Variants in TMTC2 observed in about 807,000 individuals in gnomAD.
TMTC2 encodes the protein transmembrane O-mannosyltransferase targeting cadherins 2.
TMTC2 carries 43 observed loss-of-function variants against 82.4 expected under a neutral mutation model. That is an observed-to-expected ratio of 0.52 (90% confidence interval 0.41 to 0.67). The LOEUF is 0.67. Ranked by LOEUF, TMTC2 falls within the 30% of genes least tolerant of loss-of-function variation. The pLI is 0.00. For synonymous variants in TMTC2, 408 were observed against 381.9 expected (o/e 1.07, Z -0.80); for missense variants, 919 against 1,012.4 (o/e 0.91, Z 1.25).
chr12:82,965,857 T>A, intron 6 of TMTC2, 113 bp downstream of exon 6: 1 of 1,100,322 alleles, frequency 9.1e-7, no homozygotes, highest in South Asian at 1.3e-5. Flanking sequence ...CTAATATGTA[T>A]ACACGTTAAA....
intron 1 of TMTC2, among the ~76,000 whole-genome samples, chr12:82,753,899 T>A (rs1035423742): frequency 1.3e-5 from 2 of 152,214 alleles, no homozygotes; most frequent in African/African-American, 4.8e-5. Context: ...TGGAAAACAT[T>A]GATGGAGTTG....
chr12:82,916,921 T>G (rs764486154), intron 3 of TMTC2, among the ~76,000 whole-genome samples: 3 of 152,244 alleles, frequency 2.0e-5, no homozygotes, highest in South Asian at 2.1e-4. Flanking sequence ...ATCATGATCT[T>G]TAAATCATAG....
intron 1 of TMTC2, among the ~76,000 whole-genome samples, chr12:82,775,451 AG>A (rs1457693023): frequency 6.6e-6 from 1 of 151,234 alleles, no homozygotes; most frequent in African/African-American, 2.4e-5. Flanking sequence ...CCCTGTCTCC[AG>A]GGGGGCGGGC....
At chr12:82,806,986 C>T (rs1448964732) in intron 1 of TMTC2, among the ~76,000 whole-genome samples, 6 of 152,216 alleles carry the variant, frequency 3.9e-5, no homozygotes, top group African/African-American at 1.4e-4. Context: ...ACTCCTAGCA[C>T]AGAACCCTGT....
At chr12:82,914,831 T>A (rs1874908562) in intron 3 of TMTC2, among the ~76,000 whole-genome samples, 1 of 146,390 alleles carries the variant, frequency 6.8e-6, no homozygotes, top group African/African-American at 2.5e-5. Flanking sequence ...TTTTTTTTTT[T>A]TTTTTTTTTT....
intron 7 of TMTC2, among the ~76,000 whole-genome samples, chr12:82,977,092 C>G (rs948193497): frequency 9.2e-5 from 14 of 151,654 alleles, no homozygotes; most frequent in African/African-American, 2.4e-5. Context: ...AGCTAGGTTC[C>G]GTAAGTACAT....
At chr12:82,729,397 T>C (rs184224335) in intron 1 of TMTC2, among the ~76,000 whole-genome samples, 7 of 152,194 alleles carry the variant, frequency 4.6e-5, no homozygotes, top group Admixed American at 2.0e-4. Flanking sequence ...TTTGTAAATA[T>C]ACCAGTTGCA....
chr12:82,733,116 CA>C (rs1874913700), intron 1 of TMTC2, among the ~76,000 whole-genome samples: 1 of 151,976 alleles, frequency 6.6e-6, no homozygotes, highest in African/African-American at 2.4e-5. Flanking sequence ...CTCCATTATG[CA>C]TACGTAAATA....
Position 83,132,316 on chromosome 12 carries a change from T to C in TMTC2, c.2438T>C (p.Val813Ala). The part of the protein sequence containing the change: ...LRALQLKPDD[V>A]ITQSNLRKLW... Reference sequence around the variant, plus strand: ...GCCCTGCAGCTCAAGCCAGACGATGTCATCACACAGTCCAATCTCCGCAAA... The same window carrying C: ...GCCCTGCAGCTCAAGCCAGACGATGCCATCACACAGTCCAATCTCCGCAAA... The change falls in exon 12 of 12, where the codon GTC (valine) becomes GCC (alanine). Residue 813 changes from valine (V) to alanine (A), a missense_variant. Physicochemically the swap from Val to Ala is moderately conservative, Grantham distance 64. Coordinates refer to ENST00000321196, the MANE Select transcript of TMTC2 (RefSeq NM_152588.3). The C allele has an allele frequency of 1.2e-6, 2 of 1,614,096 alleles. No individual in the cohort carries two copies. Among genetic ancestry groups the C allele is most frequent in the Non-Finnish European group, 1.7e-6 (2 of 1,180,000 alleles).
intron 8 of TMTC2, among the ~76,000 whole-genome samples, chr12:83,011,872 A>G (rs1344880798): frequency 6.6e-6 from 1 of 152,218 alleles, no homozygotes; most frequent in African/African-American, 2.4e-5. Flanking sequence ...TTTTTAGATA[A>G]TGAAAGTAGA....
chr12:82,704,915 A>G (rs1873272122), intron 1 of TMTC2, among the ~76,000 whole-genome samples: 1 of 152,240 alleles, frequency 6.6e-6, no homozygotes, highest in South Asian at 2.1e-4. Flanking sequence ...ACAATTCGCA[A>G]TGGCAAAAAT....
chr12:82,821,553 A>G (rs2137063575), intron 1 of TMTC2, among the ~76,000 whole-genome samples: 1 of 152,244 alleles, frequency 6.6e-6, no homozygotes, highest in South Asian at 2.1e-4. Flanking sequence ...CATTTGTTCA[A>G]TAATATATTC....
At chr12:82,900,822 T>G (rs1204214073) in intron 3 of TMTC2, among the ~76,000 whole-genome samples, 1 of 132,956 alleles carries the variant, frequency 7.5e-6, no homozygotes, top group Non-Finnish European at 1.6e-5. Flanking sequence ...TAGGAATATA[T>G]ATACCTGGAA....
chr12:82,934,004 AT>A (rs889542826), intron 4 of TMTC2, among the ~76,000 whole-genome samples: 3 of 152,104 alleles, frequency 2.0e-5, no homozygotes, highest in East Asian at 1.9e-4. Context: ...GATAATTTTA[AT>A]TTTTTTTCTT....
intron 9 of TMTC2, among the ~76,000 whole-genome samples, chr12:83,047,716 A>G (rs961063558): frequency 1.3e-5 from 2 of 152,198 alleles, no homozygotes; most frequent in African/African-American, 2.4e-5. Context: ...GTCACCATTT[A>G]CCCTACTAAA....
chr12:82,902,917 A>C (rs1874095420), intron 3 of TMTC2, among the ~76,000 whole-genome samples: 1 of 151,868 alleles, frequency 6.6e-6, no homozygotes, highest in South Asian at 2.1e-4. Flanking sequence ...TACTTTAAAA[A>C]CTCTAGCTAG....
At chr12:82,789,800 C>T (rs1369687461) in intron 1 of TMTC2, among the ~76,000 whole-genome samples, 1 of 152,032 alleles carries the variant, frequency 6.6e-6, no homozygotes, top group African/African-American at 2.4e-5. Context: ...TGCTTTATGC[C>T]CTCAGTTTGC....
chr12:83,110,369 T>C (rs989134388), intron 11 of TMTC2, among the ~76,000 whole-genome samples: 2 of 152,182 alleles, frequency 1.3e-5, no homozygotes, highest in African/African-American at 2.4e-5. Context: ...CATTTAAATA[T>C]ATTATTTCTA....
At chr12:82,827,063 A>C (rs1486471745) in intron 1 of TMTC2, among the ~76,000 whole-genome samples, 2 of 152,166 alleles carry the variant, frequency 1.3e-5, no homozygotes, top group Non-Finnish European at 2.9e-5. Context: ...TTTGACTTGA[A>C]TCTGGCTCCC....
Sources: gnomAD v4.1 joint callset for allele counts (sites outside exome capture counted in the v4.1 genomes callset) on GRCh38, gnomAD v4.1.1 for gene constraint, MANE v1.5 for transcripts, NCBI Gene and HGNC (gene_info 2026-07-23, HGNC 2026-07-21) for gene names.